The following ZNF701 variants were observed in gnomAD, a reference collection of about 807,000 sequenced individuals.
ZNF701 encodes the protein zinc finger protein 701.
A neutral mutation model predicts 7.1 loss-of-function variants in ZNF701; 6 were observed. That is an observed-to-expected ratio of 0.84 (90% confidence interval 0.46 to 1.66). The LOEUF (loss-of-function observed/expected upper bound fraction) is 1.66. Among genes scored for constraint, ZNF701 ranks in the 40% most tolerant of loss-of-function variants. The pLI, the probability that ZNF701 is intolerant of heterozygous loss-of-function variation, is 0.01. For missense variants in ZNF701, 541 were observed against 559.2 expected (o/e 0.97, Z 0.33); for synonymous variants, 166 against 188.2 (o/e 0.88, Z 0.97).
chr19:52,583,756 A>G lies in ZNF701; in HGVS notation c.*299A>G, dbSNP rs1162655960. The G allele has an allele frequency of 9.2e-6, 6 of 648,856 alleles. No individual in the cohort carries two copies. The highest frequency in any genetic ancestry group is 7.0e-5 in the Admixed American group (3 of 43,050). 40.2% of individuals were successfully genotyped at this position (648,856 alleles called of 1,614,324 possible). On this transcript the variant is annotated 3_prime_UTR_variant, in exon 4 of 4. Coordinates refer to ENST00000391785, the MANE Select transcript of ZNF701 (RefSeq NM_018260.3). Reference sequence around the variant, plus strand: ...TTTGGTGGTCAGTCAACACTTACTCACCATCAAGCAATCCATGGTATAGGG... The same window carrying G: ...TTTGGTGGTCAGTCAACACTTACTCGCCATCAAGCAATCCATGGTATAGGG...
intron 3 of ZNF701, 98 bp downstream of exon 3, chr19:52,576,119 A>G (rs2059932803): frequency 3.1e-6 from 5 of 1,596,348 alleles, no homozygotes; most frequent in Middle Eastern, 1.7e-4. Context: ...CTTGGCTAAA[A>G]TGGAAGCCGT....
At position 52,570,964 on chromosome 19, in the gene ZNF701, C is replaced by A. The variant is rs8113691; in HGVS notation, c.-72+634C>A. ...TGCAGGCGTCTTACTTCAAACCCTCCTGTGATTGTGTGGGCTAAAGAGATC... is the reference window on the plus strand; with the variant it reads ...TGCAGGCGTCTTACTTCAAACCCTCATGTGATTGTGTGGGCTAAAGAGATC... On this transcript the variant is annotated intron_variant, in intron 1 of 3. Transcript: ENST00000391785. 0.4 allele frequency: 60,124 copies of A among 150,196 alleles called. 12,449 individuals are homozygous for A. The highest frequency in any genetic ancestry group is 0.47 in the Non-Finnish European group (31,911 of 67,884). 9.3% of individuals were successfully genotyped at this position (150,196 alleles called of 1,614,324 possible).
the ZNF701 span, chr19:52,595,741 A>T: frequency 6.3e-7 from 1 of 1,580,260 alleles, no homozygotes; most frequent in Non-Finnish European, 8.7e-7. Flanking sequence ...GCTTCCCAGA[A>T]ATCAAGAAAG....
the ZNF701 span, chr19:52,597,128 A>G: frequency 1.2e-5 from 10 of 825,544 alleles, no homozygotes; most frequent in Admixed American, 3.7e-5. Flanking sequence ...GACATCGATC[A>G]TATCTTGCAG....
At chr19:52,592,059 C>G, downstream of ZNF701, 5 of 728,558 alleles carry the variant, frequency 6.9e-6, no homozygotes, top group South Asian at 7.0e-5. Flanking sequence ...GGTGATGACT[C>G]ACTCCTCCCT....
chr19:52,579,973 G>A (rs969568130), intron 3 of ZNF701, among the ~76,000 whole-genome samples: 2 of 142,514 alleles, frequency 1.4e-5, no homozygotes, highest in East Asian at 2.0e-4. Context: ...ATGGAGTCTC[G>A]CTCTGTAGCC....
chr19:52,574,433 A>T (rs113058986), intron 2 of ZNF701, among the ~76,000 whole-genome samples: 1,654 of 152,278 alleles, frequency 0.011, 33 homozygotes, highest in African/African-American at 0.038. Context: ...CCGCAGTGTC[A>T]GTGCTGTTGG....
At chr19:52,592,081 G>A, downstream of ZNF701, 1 of 897,474 alleles carries the variant, frequency 1.1e-6, no homozygotes, top group East Asian at 2.5e-5. Flanking sequence ...ATGTTTTGTT[G>A]AAATCTGTCT....
At chr19:52,598,307 A>G in the ZNF701 span, among the ~76,000 whole-genome samples, 1 of 152,176 alleles carries the variant, frequency 6.6e-6, no homozygotes, top group African/African-American at 2.4e-5. Context: ...ACCTGTACTG[A>G]ACGCTGAATC....
chr19:52,593,377 C>T, the ZNF701 span, among the ~76,000 whole-genome samples: 109,194 of 110,056 alleles, frequency 0.99, 54,214 homozygotes, highest in Middle Eastern at 1. Context: ...CGCCCCTCAC[C>T]TCCCGGATGG....
the ZNF701 span, chr19:52,597,015 G>A: frequency 8.2e-7 from 1 of 1,214,602 alleles, no homozygotes; most frequent in Non-Finnish European, 1.2e-6. Flanking sequence ...CAAATGTAAT[G>A]ATTGTCACAA....
chr19:52,594,719 G>A, the ZNF701 span, among the ~76,000 whole-genome samples: 1 of 150,806 alleles, frequency 6.6e-6, no homozygotes, highest in African/African-American at 2.4e-5. Flanking sequence ...CTCCATGTTG[G>A]TCAGGCTGGT....
At chr19:52,596,736 C>T in the ZNF701 span, 2 of 509,608 alleles carry the variant, frequency 3.9e-6, no homozygotes, top group East Asian at 5.5e-5. Context: ...GCTCAAAATT[C>T]AGCCCTTGTA....
chr19:52,587,982 A>G (rs1418509023), downstream of ZNF701, among the ~76,000 whole-genome samples: 15 of 152,130 alleles, frequency 9.9e-5, no homozygotes, highest in East Asian at 1.9e-4. Flanking sequence ...TGTCCTGAAG[A>G]TCTGTGTCTT....
intron 1 of ZNF701, chr19:52,573,098 G>A (rs953342048): frequency 1.5e-5 from 3 of 199,078 alleles, no homozygotes; most frequent in Non-Finnish European, 3.1e-5. Flanking sequence ...AAAGAGTCTC[G>A]CTCTGTCCTC....
At chr19:52,571,886 C>G (rs1009656450) in intron 1 of ZNF701, among the ~76,000 whole-genome samples, 11 of 151,828 alleles carry the variant, frequency 7.2e-5, no homozygotes, top group Non-Finnish European at 1.5e-4. Context: ...TGCAATGGTG[C>G]GATCTCGGCT....
chr19:52,596,109 A>G, the ZNF701 span: 1 of 987,980 alleles, frequency 1.0e-6, no homozygotes, highest in African/African-American at 1.6e-5. Flanking sequence ...ATGAGGGAAA[A>G]ACCTTTCCAA....
chr19:52,577,779 G>A (rs1464998726), intron 3 of ZNF701, among the ~76,000 whole-genome samples: 1 of 152,024 alleles, frequency 6.6e-6, no homozygotes, highest in African/African-American at 2.4e-5. Flanking sequence ...CTCGTGGAAG[G>A]CTGGATAGTA....
chr19:52,582,812 C>T lies in ZNF701; in HGVS notation c.753C>T (p.Asp251=). ...ATAAATGTGATGTATGCGGCAAGGA[C>T]TTTCATCAGAAGCGATACCTTGCAT... ...KQYKCDVCGK[D]FHQKRYLACH... The change falls in exon 4 of 4, where the codon GAC becomes GAT. Residue 251 remains aspartate, a synonymous_variant. Coordinates refer to ENST00000391785, the MANE Select transcript of ZNF701 (RefSeq NM_018260.3). 1 of 1,614,160 alleles carries T rather than the reference C, an allele frequency of 6.2e-7. No individual in the cohort carries two copies. Among genetic ancestry groups the T allele is most frequent in the Non-Finnish European group, 8.5e-7 (1 of 1,180,030 alleles).
Sources: allele counts gnomAD v4.1 joint callset (sites outside exome capture counted in the v4.1 genomes callset), GRCh38; gene constraint gnomAD v4.1.1; transcripts MANE v1.5; gene names NCBI Gene and HGNC (gene_info 2026-07-23, HGNC 2026-07-21).